CR1: variants seen among roughly 807,000 people sequenced by gnomAD.
CR1 encodes the protein complement receptor type 1.
Under a neutral mutation model 187.3 loss-of-function variants are expected in CR1, and 116 were observed. That is an observed-to-expected ratio of 0.62 (90% CI 0.53 to 0.72). CR1 has a LOEUF of 0.72. Ranked by LOEUF, CR1 falls within the 30% of genes least tolerant of loss-of-function variation. The pLI is 0.00. For missense variants in CR1, 1,731 were observed against 2,110.7 expected, an observed-to-expected ratio of 0.82 and a Z score of 3.52; for synonymous variants, 576 against 747.1, an observed-to-expected ratio of 0.77 and a Z score of 3.73.
chr1:207,579,509 T>C (rs1660871748), intron 29 of CR1, among the ~76,000 whole-genome samples: 2 of 152,162 alleles, frequency 1.3e-5, no homozygotes, highest in South Asian at 2.1e-4. Flanking sequence ...CAGATGGCGA[T>C]GAAAGCAATT....
chr1:207,564,296 A>C (rs1189689246), intron 23 of CR1, 62 bp downstream of exon 23: 1 of 1,594,172 alleles, frequency 6.3e-7, no homozygotes, highest in East Asian at 2.2e-5. Context: ...CAGTCTAAAA[A>C]GGGGAGATTT....
intron 46 of CR1, 51 bp from the exon 47 acceptor site, chr1:207,639,346 T>C (rs1662910693): frequency 6.4e-7 from 1 of 1,558,352 alleles, no homozygotes; most frequent in South Asian, 1.2e-5. Context: ...TTCTGGGTAG[T>C]TCAGTTGTCT....
intron 41 of CR1, among the ~76,000 whole-genome samples, chr1:207,617,065 A>G (rs957799347): frequency 5.9e-5 from 9 of 152,076 alleles, no homozygotes; most frequent in Non-Finnish European, 1.3e-4. Context: ...AGAATTGATG[A>G]GGTCCAGATT....
Position 207,567,714 on chromosome 1 carries a change from T to C in CR1, c.3953-110T>C. ...AACTCTTCAAAGTCCTAATGTCTAC[T>C]GTCATCTCCTTAGCATATTTTCAGC... On this transcript the variant is annotated intron_variant, in intron 24 of 46. Transcript: ENST00000367049. 15 of 1,395,250 alleles carry C rather than the reference T, an allele frequency of 1.1e-5. No homozygotes were observed. The South Asian group carries it at 1.6e-4, about 15-fold the overall frequency. The allele number at this position is 1,395,250 out of a possible 1,614,324, so 86.4% of individuals were successfully genotyped here.
In CR1 at chr1:207,512,352, A is replaced by G. The variant is rs1287026075; in HGVS notation, c.487+698A>G. ...AAAATAAGTATATCCATACACTGGC[A>G]TGGTATTCAGCCATAAAAAATGACA... On this transcript the variant is annotated intron_variant, in intron 4 of 46. Transcript: ENST00000367049. Among the ~76,000 whole-genome samples the G allele has an allele frequency of 2.6e-5, 4 of 152,362 alleles. No homozygotes were observed. In the East Asian group the frequency reaches 5.8e-4, roughly 22 times the overall value.
intron 28 of CR1, 61 bp from the exon 29 acceptor site, chr1:207,577,744 G>C: frequency 1.3e-6 from 2 of 1,599,326 alleles, no homozygotes; most frequent in Non-Finnish European, 1.7e-6. Context: ...ACTCCAGCCT[G>C]GGTGACAGCA....
At chr1:207,626,595 A>G (rs1662486314) in intron 45 of CR1, among the ~76,000 whole-genome samples, 1 of 152,246 alleles carries the variant, frequency 6.6e-6, no homozygotes, top group Non-Finnish European at 1.5e-5. Flanking sequence ...GCTAAAAAAG[A>G]CTGACAGATA....
intron 4 of CR1, among the ~76,000 whole-genome samples, chr1:207,520,545 C>G (rs562889859): frequency 4.8e-4 from 73 of 152,324 alleles, no homozygotes; most frequent in South Asian, 2.1e-4. Context: ...GCTGACCAAC[C>G]TCTGTGTGAT....
At chr1:207,631,465 A>G (rs1033098510) in intron 46 of CR1, among the ~76,000 whole-genome samples, 1 of 152,202 alleles carries the variant, frequency 6.6e-6, no homozygotes, top group Non-Finnish European at 1.5e-5. Flanking sequence ...AGTATTTACT[A>G]TCTGGCCCTT....
At chr1:207,636,426 A>C (rs190302928) in intron 46 of CR1, among the ~76,000 whole-genome samples, 1 of 142,652 alleles carries the variant, frequency 7.0e-6, no homozygotes, top group Admixed American at 6.7e-5. Flanking sequence ...GCTCAGACTC[A>C]TTATAAACTT....
chr1:207,588,360 G>T (rs547201512), intron 34 of CR1, among the ~76,000 whole-genome samples: 1 of 152,256 alleles, frequency 6.6e-6, no homozygotes, highest in South Asian at 2.1e-4. Context: ...TAGTAGAGAT[G>T]GGGTTTTGCC....
chr1:207,514,980 CATAT>C (rs71570062), intron 4 of CR1, among the ~76,000 whole-genome samples: 21,874 of 128,714 alleles, frequency 0.17, 2,136 homozygotes, highest in South Asian at 0.42. Context: ...TGAAGTATAA[CATAT>C]ATATATATAT....
At position 207,544,683 on chromosome 1, in the gene CR1, C is replaced by T. The variant is rs1003491940; in HGVS notation, c.2237-625C>T. On this transcript the variant is annotated intron_variant, in intron 13 of 46. Transcript: ENST00000367049. ...GACAGTAGGTCTTTCAGATTTTGTT[C>T]GACAGTTTCCCACCTTCTCACTGAA... Among the ~76,000 whole-genome samples the T allele has an allele frequency of 1.4e-4, 20 of 145,358 alleles. No homozygotes were observed. The East Asian group carries it at 1.6e-3, about 12-fold the overall frequency.
At chr1:207,566,192 G>A (rs1439516942) in intron 24 of CR1, among the ~76,000 whole-genome samples, 1 of 150,128 alleles carries the variant, frequency 6.7e-6, no homozygotes, top group South Asian at 2.1e-4. Context: ...ATTAGATAAT[G>A]TGAAGCTTTA....
intron 33 of CR1, among the ~76,000 whole-genome samples, 184 bp from the exon 34 acceptor site, chr1:207,587,202 T>A (rs1371890691): frequency 1.3e-5 from 2 of 152,152 alleles, no homozygotes; most frequent in Non-Finnish European, 2.9e-5. Context: ...GTAAAAAAAA[T>A]CCTGCTGAGT....
rs1261488190 is a variant in CR1 at position 207,640,507 on chromosome 1, T to C, written c.*1098T>C. The stretch of plus-strand genomic sequence containing the variant: ...TTCTATATAAAAAACATAATAAAAA[T>C]TGAAATGAAAGAATAATTGTTATTA... On this transcript the variant is annotated 3_prime_UTR_variant, in exon 47 of 47. Transcript: ENST00000367049. The C allele has an allele frequency of 6.6e-6, 1 of 152,240 alleles. No individual in the cohort carries two copies. The highest frequency in any genetic ancestry group is 1.5e-5 in the Non-Finnish European group (1 of 68,048). The allele number at this position is 152,240 out of a possible 1,614,324, so 9.4% of individuals were successfully genotyped here.
Position 207,611,824 on chromosome 1 carries a change from A to G in CR1, c.6443A>G (p.Asp2148Gly), listed in dbSNP as rs1420240087. The G allele has an allele frequency of 1.2e-6, 2 of 1,613,784 alleles. No homozygotes were observed. The highest frequency in any genetic ancestry group is 1.7e-6 in the Non-Finnish European group (2 of 1,179,860). ...AASLHCTPQG[D>G]WSPEAPRCTV... ...TCTCTGCACTGCACGCCCCAGGGAG[A>G]CTGGAGCCCTGAAGCCCCTAGATGT... The change falls in exon 38 of 47, where the codon GAC becomes GGC. Residue 2148 changes from aspartate to glycine, a missense_variant. Asp to Gly is a moderately conservative substitution (Grantham distance 94, BLOSUM62 -1). Coordinates refer to ENST00000367049, the MANE Select transcript of CR1 (RefSeq NM_000651.6).
At chr1:207,525,627 C>A (rs1276380084) in intron 5 of CR1, among the ~76,000 whole-genome samples, 2 of 151,966 alleles carry the variant, frequency 1.3e-5, no homozygotes, top group African/African-American at 4.8e-5. Context: ...TATATGCCTC[C>A]AATTGGCAGA....
At chr1:207,623,193 A>G (rs1189355150) in intron 45 of CR1, 125 bp downstream of exon 45, 28 of 662,854 alleles carry the variant, frequency 4.2e-5, no homozygotes, top group Non-Finnish European at 6.7e-5. Context: ...TTATAAAGAA[A>G]GTCCTTGACA....
Sources: gnomAD v4.1 joint callset for allele counts (sites outside exome capture counted in the v4.1 genomes callset) on GRCh38, gnomAD v4.1.1 for gene constraint, MANE v1.5 for transcripts, NCBI Gene and HGNC (gene_info 2026-07-23, HGNC 2026-07-21) for gene names.